Variants in DPP10 observed in about 807,000 individuals in gnomAD.
DPP10 encodes inactive dipeptidyl peptidase 10.
Under a neutral mutation model 120.9 loss-of-function variants are expected in DPP10, and 33 were observed. The observed-to-expected ratio is 0.27, with a 90% CI of 0.21 to 0.37. DPP10 has a LOEUF of 0.37. Ranked by LOEUF, DPP10 falls within the 10% of genes least tolerant of loss-of-function variation. The pLI is 1.00. For missense variants in DPP10, 816 were observed against 942.8 expected, an observed-to-expected ratio of 0.87 and a Z score of 1.76; for synonymous variants, 337 against 326.1, an observed-to-expected ratio of 1.03 and a Z score of -0.36.
chr2:115,571,348 T>G (rs962507154), intron 5 of DPP10, among the ~76,000 whole-genome samples: 3 of 152,166 alleles, frequency 2.0e-5, no homozygotes, highest in African/African-American at 7.2e-5. Flanking sequence ...CTGAACATAG[T>G]ACCTAGTAGT....
intron 2 of DPP10, among the ~76,000 whole-genome samples, chr2:115,326,123 A>G (rs1411336838): frequency 6.6e-6 from 1 of 152,150 alleles, no homozygotes; most frequent in Non-Finnish European, 1.5e-5. Flanking sequence ...CATTTGTAAA[A>G]TATTAGTTCA....
At chr2:114,988,721 C>G (rs1369591352) in intron 1 of DPP10, among the ~76,000 whole-genome samples, 2 of 152,156 alleles carry the variant, frequency 1.3e-5, no homozygotes, top group Admixed American at 6.5e-5. Context: ...TATGACACTT[C>G]TTGTGAAACG....
At chr2:115,083,269 A>G (rs980383259) in intron 1 of DPP10, among the ~76,000 whole-genome samples, 8 of 152,180 alleles carry the variant, frequency 5.3e-5, no homozygotes, top group Non-Finnish European at 1.5e-5. Flanking sequence ...CACTTTGTAT[A>G]AAGATATAAA....
At chr2:115,528,651 C>G (rs1377318669) in intron 5 of DPP10, among the ~76,000 whole-genome samples, 1 of 151,922 alleles carries the variant, frequency 6.6e-6, no homozygotes, top group Non-Finnish European at 1.5e-5. Context: ...AAACTGTGGT[C>G]CATTCATCCC....
chr2:114,523,414 G>T (rs1239959330), intron 1 of DPP10, among the ~76,000 whole-genome samples: 5 of 152,228 alleles, frequency 3.3e-5, no homozygotes, highest in African/African-American at 4.8e-5. Flanking sequence ...AGCAGCAGGG[G>T]TCTGGGTGCA....
chr2:114,767,933 C>G (rs562517929), intron 1 of DPP10, among the ~76,000 whole-genome samples: 1 of 152,036 alleles, frequency 6.6e-6, no homozygotes, highest in Non-Finnish European at 1.5e-5. Context: ...CCAGCCAGGC[C>G]AACATGATGA....
chr2:114,840,492 G>T (rs75834261), intron 1 of DPP10, among the ~76,000 whole-genome samples: 1,602 of 152,158 alleles, frequency 0.011, 33 homozygotes, highest in African/African-American at 0.037. Flanking sequence ...GAACTAAAAA[G>T]ACCTCGAATT....
intron 9 of DPP10, among the ~76,000 whole-genome samples, chr2:115,744,466 A>G (rs1490583799): frequency 6.6e-6 from 1 of 150,408 alleles, no homozygotes; most frequent in African/African-American, 2.4e-5. Context: ...CTTGGGAGTA[A>G]TGAAAAGATT....
intron 8 of DPP10, among the ~76,000 whole-genome samples, chr2:115,729,639 A>G (rs2092850074): frequency 1.3e-5 from 2 of 152,158 alleles, no homozygotes; most frequent in African/African-American, 4.8e-5. Flanking sequence ...ATGTGATGGC[A>G]TGCACCTGTG....
intron 1 of DPP10, among the ~76,000 whole-genome samples, chr2:114,757,853 C>A (rs13017277): frequency 0.028 from 4,302 of 151,748 alleles, 101 homozygotes; most frequent in South Asian, 0.094. Context: ...AGATAAAAGT[C>A]GACTTACTTT....
intron 1 of DPP10, among the ~76,000 whole-genome samples, chr2:114,698,581 G>A (rs967814182): frequency 2.0e-5 from 3 of 152,096 alleles, no homozygotes; most frequent in South Asian, 4.1e-4. Context: ...CCCAGAACAC[G>A]TGAGATCAGG....
At chr2:115,674,116 T>C (rs1170076847) in intron 5 of DPP10, among the ~76,000 whole-genome samples, 2 of 152,066 alleles carry the variant, frequency 1.3e-5, no homozygotes, top group African/African-American at 4.8e-5. Flanking sequence ...TCCCAGCTAC[T>C]TGGGAGGCTA....
At chr2:115,056,026 C>T (rs562615443) in intron 1 of DPP10, among the ~76,000 whole-genome samples, 92 of 152,146 alleles carry the variant, frequency 6.0e-4, no homozygotes, top group Non-Finnish European at 1.1e-3. Flanking sequence ...ATATCTACTA[C>T]CTAGCTTAAT....
chr2:114,660,880 T>C (rs901873493), intron 1 of DPP10, among the ~76,000 whole-genome samples: 12 of 152,212 alleles, frequency 7.9e-5, no homozygotes, highest in African/African-American at 2.9e-4. Context: ...TACTTTTAGA[T>C]GATTTTGCTA....
intron 1 of DPP10, among the ~76,000 whole-genome samples, chr2:115,090,051 T>C (rs1354944894): frequency 6.6e-6 from 1 of 152,020 alleles, no homozygotes; most frequent in African/African-American, 2.4e-5. Flanking sequence ...TTTTTTTTTT[T>C]CATGTCTAAT....
chr2:115,327,138 A>G (rs1014822556), intron 2 of DPP10, among the ~76,000 whole-genome samples: 1 of 152,038 alleles, frequency 6.6e-6, no homozygotes, highest in African/African-American at 2.4e-5. Flanking sequence ...AGTTACCATT[A>G]TGTTTCAATT....
Position 115,339,722 on chromosome 2 carries a change from G to T in DPP10, c.176-4095G>T, listed in dbSNP as rs1038414169. Among the ~76,000 whole-genome samples the T allele has an allele frequency of 6.6e-5, 10 of 152,228 alleles. No individual in the cohort carries two copies. In the South Asian group the frequency reaches 1.2e-3, roughly 19 times the overall value. ...AAGCCAGTCCAAAAGCTTAGGTATG[G>T]TATGATTGTGATTATATAGCATTCT... On this transcript the variant is annotated intron_variant, in intron 2 of 25. Transcript: ENST00000410059.
chr2:115,338,937 G>GA (rs1240077800), intron 2 of DPP10, among the ~76,000 whole-genome samples: 1 of 152,100 alleles, frequency 6.6e-6, no homozygotes, highest in African/African-American at 2.4e-5. Flanking sequence ...TTCATAAAAG[G>GA]AAAAATTGAT....
At chr2:115,160,939 G>A (rs372214955) in intron 1 of DPP10, among the ~76,000 whole-genome samples, 2 of 152,214 alleles carry the variant, frequency 1.3e-5, no homozygotes, top group East Asian at 1.9e-4. Flanking sequence ...GTAGGTGCTC[G>A]GTAAACCTAC....
Sources: allele counts gnomAD v4.1 joint callset (sites outside exome capture counted in the v4.1 genomes callset), GRCh38; gene constraint gnomAD v4.1.1; transcripts MANE v1.5; gene names NCBI Gene and HGNC (gene_info 2026-07-23, HGNC 2026-07-21).